The following SCAF4 variants were observed in gnomAD, a reference collection of about 807,000 sequenced individuals.
SCAF4 encodes the protein SR-related and CTD-associated factor 4.
SCAF4 carries 25 observed loss-of-function variants against 129.8 expected under a neutral mutation model. The ratio of observed to expected loss-of-function variants is 0.19; its 90% confidence interval spans 0.14 to 0.27. The LOEUF (loss-of-function observed/expected upper bound fraction) is 0.27. Ranked by LOEUF, SCAF4 falls within the 10% of genes least tolerant of loss-of-function variation. SCAF4 has a pLI of 1.00. For missense variants in SCAF4, 1,246 were observed against 1,457.1 expected, an observed-to-expected ratio of 0.86 and a Z score of 2.36; for synonymous variants, 551 against 497.7, an observed-to-expected ratio of 1.11 and a Z score of -1.43.
At chr21:31,726,568 G>C (rs959479311) in intron 1 of SCAF4, among the ~76,000 whole-genome samples, 6 of 152,204 alleles carry the variant, frequency 3.9e-5, no homozygotes, top group Non-Finnish European at 8.8e-5. Flanking sequence ...GGGAGGCTGA[G>C]ACAGGAGGAT....
At chr21:31,693,987 A>G (rs2050321044) in intron 11 of SCAF4, among the ~76,000 whole-genome samples, 1 of 152,094 alleles carries the variant, frequency 6.6e-6, no homozygotes, top group Non-Finnish European at 1.5e-5. Context: ...GTTACATCTG[A>G]GCAACTTAAA....
chr21:31,698,196 GA>G (rs1404115774), intron 7 of SCAF4, among the ~76,000 whole-genome samples: 2 of 152,130 alleles, frequency 1.3e-5, no homozygotes, highest in Non-Finnish European at 2.9e-5. Context: ...TACCCAAAAA[GA>G]AATTTTAGTT....
At chr21:31,713,362 A>G (rs752623665) in intron 1 of SCAF4, among the ~76,000 whole-genome samples, 1 of 152,204 alleles carries the variant, frequency 6.6e-6, no homozygotes, top group Admixed American at 6.5e-5. Flanking sequence ...TAAAATGGGG[A>G]TAACAGTAGT....
chr21:31,671,236 G>C lies in SCAF4; in HGVS notation c.*163C>G, dbSNP rs1265491117. 5.3e-6 allele frequency: 3 copies of C among 570,436 alleles called. No individual in the cohort carries two copies. The highest frequency in any genetic ancestry group is 3.8e-5 in the African/African-American group (2 of 53,272). 35.3% of individuals were successfully genotyped at this position (570,436 alleles called of 1,614,324 possible). ...TATTTTCAGTATTTTTTGTTATTTT[G>C]TGGCTATTTTTAAATAGAAGGGAAG... On this transcript the variant is annotated 3_prime_UTR_variant, in exon 20 of 20. Coordinates refer to ENST00000286835, the MANE Select transcript of SCAF4 (RefSeq NM_020706.2).
intron 9 of SCAF4, among the ~76,000 whole-genome samples, chr21:31,695,911 T>G (rs1038854681): frequency 2.6e-5 from 4 of 152,148 alleles, no homozygotes; most frequent in Non-Finnish European, 5.9e-5. Flanking sequence ...ATGCCTATTA[T>G]TAAAATATGA....
At chr21:31,721,077 C>T (rs1188872254) in intron 1 of SCAF4, among the ~76,000 whole-genome samples, 1 of 152,184 alleles carries the variant, frequency 6.6e-6, no homozygotes, top group Admixed American at 6.5e-5. Context: ...GTGCACCCAT[C>T]AACACTTTAT....
At chr21:31,701,642 T>C (rs2050534720) in intron 6 of SCAF4, 134 bp downstream of exon 6, 3 of 907,560 alleles carry the variant, frequency 3.3e-6, no homozygotes, top group South Asian at 2.2e-5. Context: ...ATTACTTCTC[T>C]TGTGAAGGCT....
intron 1 of SCAF4, among the ~76,000 whole-genome samples, chr21:31,731,382 A>G (rs543966486): frequency 1.7e-3 from 253 of 152,324 alleles, no homozygotes; most frequent in African/African-American, 5.7e-3. Flanking sequence ...TTAGAGGAAC[A>G]GGCACAGACT....
intron 19 of SCAF4, chr21:31,684,506 G>A (rs897651944): frequency 6.5e-6 from 1 of 153,478 alleles, no homozygotes; most frequent in Non-Finnish European, 1.4e-5. Flanking sequence ...GAGTGGGAAA[G>A]TGGTACCTCA....
chr21:31,688,114 CAA>C (rs61592268), intron 16 of SCAF4, among the ~76,000 whole-genome samples, 191 bp downstream of exon 16: 45 of 10,864 alleles, frequency 4.1e-3, no homozygotes, highest in East Asian at 7.2e-3. Context: ...GACTCTGTCT[CAA>C]AAAAAAAAAA....
At chr21:31,674,039 G>A (rs1260583729) in intron 19 of SCAF4, among the ~76,000 whole-genome samples, 3 of 152,192 alleles carry the variant, frequency 2.0e-5, no homozygotes, top group African/African-American at 7.2e-5. Context: ...TAGTTGAGAT[G>A]AGTCTTCAAA....
chr21:31,671,182 G>T lies in SCAF4; in HGVS notation c.*217C>A. 1 of 406,884 alleles carries T rather than the reference G, an allele frequency of 2.5e-6. No individual in the cohort carries two copies. Among genetic ancestry groups the T allele is most frequent in the East Asian group, 3.7e-5 (1 of 26,760 alleles). The allele number at this position is 406,884 out of a possible 1,614,324, so 25.2% of individuals were successfully genotyped here. On this transcript the variant is annotated 3_prime_UTR_variant, in exon 20 of 20. Transcript: ENST00000286835. Reference sequence around the variant, plus strand: ...TTTTTAAAGTCAAAACTTTTAAAAAGTTACAGCAAAAAGGGTAATATTTAT... The same window carrying T: ...TTTTTAAAGTCAAAACTTTTAAAAATTTACAGCAAAAAGGGTAATATTTAT...
At chr21:31,686,204 AAAAAAAAAAAAAG>A (rs2050119313) in intron 16 of SCAF4, among the ~76,000 whole-genome samples, 1 of 118,786 alleles carries the variant, frequency 8.4e-6, no homozygotes, top group African/African-American at 3.9e-5. Flanking sequence ...CTTGGTCTTC[AAAAAAAAAAAAAG>A]AAAAAAAAAA....
intron 2 of SCAF4, among the ~76,000 whole-genome samples, 178 bp from the exon 3 acceptor site, chr21:31,705,645 A>G (rs564407799): frequency 1.3e-5 from 2 of 152,218 alleles, no homozygotes; most frequent in African/African-American, 4.8e-5. Flanking sequence ...AATAAACTAA[A>G]AACAGAAAAC....
chr21:31,672,797 GA>G (rs2049744180), intron 19 of SCAF4, among the ~76,000 whole-genome samples: 1 of 152,080 alleles, frequency 6.6e-6, no homozygotes, highest in Non-Finnish European at 1.5e-5. Context: ...CTTATTACTA[GA>G]AAAAAATGAG....
At chr21:31,703,399 A>G (rs2050581098) in intron 4 of SCAF4, among the ~76,000 whole-genome samples, 1 of 152,170 alleles carries the variant, frequency 6.6e-6, no homozygotes, top group African/African-American at 2.4e-5. Flanking sequence ...ATTGTTAACT[A>G]TAGGTACAAG....
At chr21:31,684,714 C>A in intron 19 of SCAF4, 1 of 267,148 alleles carries the variant, frequency 3.7e-6, no homozygotes. Context: ...AAGTGAATTA[C>A]GAACTCTGTA....
At chr21:31,673,698 T>G (rs2049775260) in intron 19 of SCAF4, among the ~76,000 whole-genome samples, 1 of 152,260 alleles carries the variant, frequency 6.6e-6, no homozygotes. Flanking sequence ...GCACATGTCC[T>G]TGCTTTCACT....
intron 1 of SCAF4, among the ~76,000 whole-genome samples, chr21:31,717,902 TATACACACACACACAC>T (rs1219902765): frequency 2.3e-4 from 22 of 95,606 alleles, no homozygotes; most frequent in East Asian, 1.5e-3. Context: ...TATACACATA[TATACACACACACACAC>T]ACACACACAC....
Sources: gnomAD v4.1 joint callset for allele counts (sites outside exome capture counted in the v4.1 genomes callset) on GRCh38, gnomAD v4.1.1 for gene constraint, MANE v1.5 for transcripts, NCBI Gene and HGNC (gene_info 2026-07-23, HGNC 2026-07-21) for gene names.